MARCHF1: variants seen among roughly 807,000 people sequenced by gnomAD.
The protein encoded by MARCHF1 is membrane associated ring-CH-type finger 1.
In MARCHF1, 40 loss-of-function variants were observed where a neutral mutation model predicts 54.2. The observed-to-expected ratio is 0.74, with a 90% confidence interval of 0.57 to 0.96. The LOEUF (loss-of-function observed/expected upper bound fraction) is 0.96. MARCHF1 is among the 40% of genes least tolerant of loss of function. The probability of loss-of-function intolerance (pLI) is 0.00; values close to 1 mark genes in which losing one functional copy is unlikely to be tolerated. For synonymous variants in MARCHF1, 236 were observed against 236.3 expected, an observed-to-expected ratio of 1.00 and a Z score of 0.01; for missense variants, 586 against 656.5, an observed-to-expected ratio of 0.89 and a Z score of 1.17.
At chr4:164,063,585 T>C (rs982296875) in intron 2 of MARCHF1, among the ~76,000 whole-genome samples, 1 of 152,224 alleles carries the variant, frequency 6.6e-6, no homozygotes, top group African/African-American at 2.4e-5. Flanking sequence ...GCTCTATTTG[T>C]CATCTGCAAA....
chr4:164,057,714 A>G (rs1299838041), intron 2 of MARCHF1, among the ~76,000 whole-genome samples: 1 of 152,230 alleles, frequency 6.6e-6, no homozygotes, highest in East Asian at 1.9e-4. Flanking sequence ...TAATGAAGAT[A>G]CCATACTTCT....
chr4:163,900,838 A>C (rs1432152620), intron 3 of MARCHF1, among the ~76,000 whole-genome samples: 1 of 152,198 alleles, frequency 6.6e-6, no homozygotes, highest in Non-Finnish European at 1.5e-5. Context: ...AGGTAGCCAT[A>C]TAATAAACAT....
chr4:164,247,342 T>G (rs1470963120), intron 1 of MARCHF1, among the ~76,000 whole-genome samples: 2 of 148,566 alleles, frequency 1.3e-5, no homozygotes, highest in Non-Finnish European at 3.0e-5. Flanking sequence ...TCATTCTCAG[T>G]AAACTATCAC....
chr4:163,803,245 C>G (rs1252630244), intron 4 of MARCHF1, among the ~76,000 whole-genome samples: 1 of 152,150 alleles, frequency 6.6e-6, no homozygotes, highest in Non-Finnish European at 1.5e-5. Flanking sequence ...CTGATCTCAG[C>G]TCACTGCAAC....
intron 1 of MARCHF1, among the ~76,000 whole-genome samples, chr4:164,243,197 T>G: frequency 7.2e-6 from 1 of 138,172 alleles, no homozygotes; most frequent in Non-Finnish European, 1.5e-5. Flanking sequence ...AAAGTTGAAA[T>G]GAAGGAAAAA....
intron 9 of MARCHF1, among the ~76,000 whole-genome samples, chr4:163,529,617 A>G (rs987641107): frequency 6.6e-6 from 1 of 152,054 alleles, no homozygotes; most frequent in East Asian, 1.9e-4. Flanking sequence ...GAGTACAAAC[A>G]TGCAAAAGAT....
intron 1 of MARCHF1, among the ~76,000 whole-genome samples, chr4:164,173,102 C>G (rs539105524): frequency 6.6e-6 from 1 of 151,870 alleles, no homozygotes; most frequent in Non-Finnish European, 1.5e-5. Flanking sequence ...AAACCAAATA[C>G]GTATTTCCAA....
intron 5 of MARCHF1, among the ~76,000 whole-genome samples, chr4:163,654,269 T>C (rs1194289093): frequency 1.3e-5 from 2 of 151,620 alleles, no homozygotes; most frequent in African/African-American, 2.4e-5. Context: ...ATAGAAATCA[T>C]GTCAGTAGCT....
At chr4:164,208,816 C>T (rs1731682921) in intron 1 of MARCHF1, among the ~76,000 whole-genome samples, 1 of 151,970 alleles carries the variant, frequency 6.6e-6, no homozygotes, top group Admixed American at 6.6e-5. Context: ...GGTGTGGTGG[C>T]GTGAGCCTGT....
At chr4:164,075,721 T>C (rs959858322) in intron 2 of MARCHF1, among the ~76,000 whole-genome samples, 1 of 152,196 alleles carries the variant, frequency 6.6e-6, no homozygotes, top group Non-Finnish European at 1.5e-5. Context: ...ATTTCCCAAA[T>C]TGATTTAACA....
At chr4:163,625,645 C>T (rs1741844625) in intron 5 of MARCHF1, among the ~76,000 whole-genome samples, 1 of 152,182 alleles carries the variant, frequency 6.6e-6, no homozygotes, top group Admixed American at 6.5e-5. Context: ...CAATTCTACA[C>T]TGTAACAAAA....
At chr4:163,740,824 A>G (rs909370363) in intron 4 of MARCHF1, among the ~76,000 whole-genome samples, 1 of 152,102 alleles carries the variant, frequency 6.6e-6, no homozygotes, top group Admixed American at 6.6e-5. Flanking sequence ...GAATGAAGAA[A>G]CTCTAGAGCT....
chr4:164,254,310 AGT>A (rs1733206650), intron 1 of MARCHF1, among the ~76,000 whole-genome samples: 5 of 127,782 alleles, frequency 3.9e-5, no homozygotes, highest in East Asian at 2.3e-4. Flanking sequence ...CAGAACTAAT[AGT>A]ATACATATAT....
intron 1 of MARCHF1, among the ~76,000 whole-genome samples, chr4:164,280,780 T>C (rs1255536905): frequency 6.6e-6 from 1 of 152,146 alleles, no homozygotes; most frequent in Non-Finnish European, 1.5e-5. Flanking sequence ...AGTGGCTATA[T>C]AGTGAGAATG....
chr4:163,570,546 T>C (rs1421139339), intron 8 of MARCHF1, among the ~76,000 whole-genome samples: 1 of 152,042 alleles, frequency 6.6e-6, no homozygotes, highest in African/African-American at 2.4e-5. Flanking sequence ...ACACACTAAA[T>C]CTAGATTCTT....
At chr4:163,590,914 T>A (rs1237979960) in intron 7 of MARCHF1, among the ~76,000 whole-genome samples, 1 of 151,910 alleles carries the variant, frequency 6.6e-6, no homozygotes, top group Non-Finnish European at 1.5e-5. Context: ...ATATTTGTAG[T>A]TCCGCCCATC....
At chr4:163,737,269 GGTTA>G (rs1746072980) in intron 4 of MARCHF1, among the ~76,000 whole-genome samples, 1 of 81,154 alleles carries the variant, frequency 1.2e-5, no homozygotes, top group South Asian at 4.5e-4. Flanking sequence ...ACATTGTGCA[GGTTA>G]GTTACATATG....
intron 2 of MARCHF1, among the ~76,000 whole-genome samples, chr4:164,037,338 A>T (rs1042125047): frequency 1.3e-5 from 2 of 152,180 alleles, no homozygotes; most frequent in Non-Finnish European, 2.9e-5. Context: ...AATTAGAGAC[A>T]AAAAGTGATG....
At chr4:164,349,169 C>T (rs1044964749) in intron 1 of MARCHF1, among the ~76,000 whole-genome samples, 1 of 152,146 alleles carries the variant, frequency 6.6e-6, no homozygotes, top group African/African-American at 2.4e-5. Flanking sequence ...TAGATCTGCC[C>T]TGACTCATAA....
Sources: allele counts gnomAD v4.1 joint callset (sites outside exome capture counted in the v4.1 genomes callset), GRCh38; gene constraint gnomAD v4.1.1; transcripts MANE v1.5; gene names NCBI Gene and HGNC (gene_info 2026-07-23, HGNC 2026-07-21).